Variants in INTS1 observed in about 807,000 individuals in gnomAD.
INTS1 encodes the protein integrator complex subunit 1.
INTS1 carries 137 observed loss-of-function variants against 241.6 expected under a neutral mutation model. The ratio of observed to expected loss-of-function variants is 0.57; its 90% CI spans 0.49 to 0.65. INTS1 has a LOEUF of 0.65. INTS1 is among the 30% of genes least tolerant of loss of function. The pLI, the probability that INTS1 is intolerant of heterozygous loss-of-function variation, is 0.00. For synonymous variants in INTS1, 1,692 were observed against 1,337.8 expected, an observed-to-expected ratio of 1.26 and a Z score of -5.78; for missense variants, 3,073 against 3,032.2, an observed-to-expected ratio of 1.01 and a Z score of -0.32.
Position 1,477,613 on chromosome 7 carries a change from C to G in INTS1, c.4875G>C (p.Leu1625=). 1 of 1,577,912 alleles carries G rather than the reference C, an allele frequency of 6.3e-7. No individual in the cohort carries two copies. Residue 1625 remains leucine (L), a synonymous_variant, in exon 35 of 48, where the codon CTG becomes CTC. Coordinates refer to ENST00000404767, the MANE Select transcript of INTS1 (RefSeq NM_001080453.3). ...GGCAGCTGCTGACCACCTCGGGGTC[C>G]AGCATTTCCAGCCAGTCCACTAGGA... The part of the protein sequence containing the change: ...SGLLVDWLEM[L]DPEVVSSCPD...
rs758667156 is a variant in INTS1 at position 1,502,997 on chromosome 7, G to A, written c.253C>T (p.Pro85Ser). The A allele has an allele frequency of 7.4e-6, 12 of 1,613,704 alleles. No homozygotes were observed. The highest frequency in any genetic ancestry group is 5.0e-5 in the Admixed American group (3 of 60,012). The change falls in exon 3 of 48, where the codon CCT (proline) becomes TCT (serine). Residue 85 changes from proline (P) to serine (S), a missense_variant. Pro to Ser is a moderately conservative substitution (Grantham distance 74). Coordinates refer to ENST00000404767, the MANE Select transcript of INTS1 (RefSeq NM_001080453.3). The part of the protein sequence containing the change: ...TKRPKLSSTP[P>S]LSALGRLAEA... ...GCCAGGCGCCCCAGGGCACTCAGAG[G>A]GGGTGTGGAGGAGAGTTTGGGGCGT...
At chr7:1,483,470 C>CT (rs1782093704) in intron 26 of INTS1, 11 of 534,254 alleles carry the variant, frequency 2.1e-5, no homozygotes, top group Non-Finnish European at 3.4e-5. Flanking sequence ...AGTGAGGACT[C>CT]TGACCCCAGG....
chr7:1,498,943 G>GGGGC, intron 8 of INTS1, 32 bp downstream of exon 8: 159 of 1,070,398 alleles, frequency 1.5e-4, no homozygotes, highest in Non-Finnish European at 1.9e-4. Context: ...CCCACCCCCT[G>GGGGC]CCCCGCCCAC....
chr7:1,503,887 G>T lies in INTS1; in HGVS notation c.58+16C>A. 1 of 1,557,080 alleles carries T rather than the reference G, an allele frequency of 6.4e-7. No individual in the cohort carries two copies. Among genetic ancestry groups the T allele is most frequent in the South Asian group, 1.2e-5 (1 of 85,102 alleles). The stretch of plus-strand genomic sequence containing the variant: ...CCCAAAGACCCCCGGGCTGCAGAGC[G>T]AGGAGGGAGACGCACCTGAGGGTTT... On this transcript the variant is annotated intron_variant, in intron 2 of 47. Coordinates refer to ENST00000404767, the MANE Select transcript of INTS1 (RefSeq NM_001080453.3).
intron 30 of INTS1, among the ~76,000 whole-genome samples, 197 bp from the exon 31 acceptor site, chr7:1,479,881 C>T (rs915808127): frequency 4.6e-5 from 7 of 152,362 alleles, no homozygotes; most frequent in Admixed American, 4.6e-4. Flanking sequence ...GGGACCCCAA[C>T]ACCCAGGAGC....
chr7:1,498,682 C>A, intron 9 of INTS1, 25 bp downstream of exon 9: 1 of 1,547,430 alleles, frequency 6.5e-7, no homozygotes, highest in Admixed American at 2.0e-5. Flanking sequence ...CCCGCACCCC[C>A]GCTCTGCCCC....
intron 47 of INTS1, 55 bp downstream of exon 47, chr7:1,470,791 C>A: frequency 6.7e-7 from 1 of 1,484,888 alleles, no homozygotes; most frequent in South Asian, 1.2e-5. Context: ...TCGGGGGACG[C>A]ACCTCCGGCC....
rs1005688869 is a variant in INTS1 at position 1,476,089 on chromosome 7, G to A, written c.5379-18C>T. ...CCAGCACGCTGGAAGAGGTGGAGCA[G>A]GGCTCACCAGGCGGACGGGGCCCCA... On this transcript the variant is annotated intron_variant, in intron 38 of 47. Transcript: ENST00000404767. The A allele has an allele frequency of 1.7e-5, 26 of 1,534,426 alleles. No homozygotes were observed. In the East Asian group the frequency reaches 2.2e-4, roughly 13 times the overall value.
chr7:1,480,296 C>T (rs1781935673), intron 30 of INTS1, 21 bp downstream of exon 30: 2 of 1,591,026 alleles, frequency 1.3e-6, no homozygotes, highest in African/African-American at 1.3e-5. Flanking sequence ...GGTGGAGACC[C>T]ACATGCAGCA....
rs767930220 is a variant in INTS1 at position 1,476,881 on chromosome 7, T to C, written c.4976A>G (p.Tyr1659Cys). 5.6e-6 allele frequency: 9 copies of C among 1,611,918 alleles called. No individual in the cohort carries two copies. Among genetic ancestry groups the C allele is most frequent in the East Asian group, 2.2e-5 (1 of 44,840 alleles). ...CTGATGCGTGAAGAGGGTCAGGAGGTAGGGACGGAACGAGGGCACCTGGGC... is the reference window on the plus strand; with the variant it reads ...CTGATGCGTGAAGAGGGTCAGGAGGCAGGGACGGAACGAGGGCACCTGGGC... ...GQAQVPSFRP[Y>C]LLTLFTHQSS... The change falls in exon 36 of 48, where the codon TAC becomes TGC. Residue 1659 changes from tyrosine to cysteine, a missense_variant. Physicochemically the swap from Tyr to Cys is radical, Grantham distance 194. Transcript: ENST00000404767.
intron 44 of INTS1, 67 bp downstream of exon 44, chr7:1,472,206 C>A: frequency 8.2e-7 from 1 of 1,223,456 alleles, no homozygotes; most frequent in Admixed American, 2.0e-5. Context: ...TGGCTACTGG[C>A]TGCTGCCCGC....
chr7:1,485,685 G>A (rs985048131), intron 22 of INTS1, among the ~76,000 whole-genome samples: 2 of 152,184 alleles, frequency 1.3e-5, no homozygotes, highest in South Asian at 2.1e-4. Flanking sequence ...GGACCCTCCC[G>A]TCACCAGCAA....
At chr7:1,494,547 A>G (rs1305707974) in intron 14 of INTS1, 1 of 546,766 alleles carries the variant, frequency 1.8e-6, no homozygotes, top group Non-Finnish European at 3.3e-6. Context: ...CCTGGAAGCA[A>G]CTGGAAGGCG....
intron 26 of INTS1, chr7:1,483,267 C>T (rs371120636): frequency 1.3e-5 from 3 of 235,388 alleles, no homozygotes; most frequent in Non-Finnish European, 2.6e-5. Flanking sequence ...GGGAAGGCTG[C>T]GGCCGCAGAG....
chr7:1,488,031 C>G (rs542741369), intron 18 of INTS1, 74 bp from the exon 19 acceptor site: 7 of 1,510,136 alleles, frequency 4.6e-6, no homozygotes, highest in African/African-American at 1.4e-5. Context: ...CGCTCAGGGT[C>G]AAGGAGGGTA....
intron 24 of INTS1, 30 bp from the exon 25 acceptor site, chr7:1,484,200 C>T: frequency 6.3e-7 from 1 of 1,587,656 alleles, no homozygotes; most frequent in Non-Finnish European, 8.6e-7. Context: ...GCGTCAGAGG[C>T]TCCGAGACAG....
rs192913476 is a variant in INTS1, at chr7:1,493,690, G to A, written c.2068+64C>T. 190 of 1,500,252 alleles carry A rather than the reference G, an allele frequency of 1.3e-4. 1 individual carries two copies. In the African/African-American group the frequency reaches 1.7e-3, roughly 13 times the overall value. The allele number at this position is 1,500,252 out of a possible 1,614,324, so 92.9% of individuals were successfully genotyped here. ...CGCCCCAGAGGTGCGTGCCAGAGCC[G>A]GGGTTTCTGCAGGGACGAGGGGAGC... On this transcript the variant is annotated intron_variant, in intron 15 of 47. Transcript: ENST00000404767. This position sits in a 1 kb window ranked among gnomAD's most constrained non-coding sequence, Gnocchi z 5.3.
intron 27 of INTS1, 169 bp downstream of exon 27, chr7:1,482,377 C>T: frequency 1.7e-6 from 1 of 604,474 alleles, no homozygotes; most frequent in Non-Finnish European, 2.7e-6. Context: ...TCCCAGGGTC[C>T]AGCACAGCCT....
intron 37 of INTS1, 38 bp from the exon 38 acceptor site, chr7:1,476,493 G>GCCTCTCCCGGATGGGCCACAC (rs1554274329): frequency 5.0e-5 from 60 of 1,190,136 alleles, no homozygotes; most frequent in Non-Finnish European, 6.8e-5. Context: ...GAGCACCACC[G>GCCTCTCCCGGATGGGCCACAC]CCTCTCCCGG....
Sources: gnomAD v4.1 joint callset for allele counts (sites outside exome capture counted in the v4.1 genomes callset) on GRCh38, gnomAD v4.1.1 for gene constraint, Gnocchi (gnomAD v3.1) non-coding constraint, MANE v1.5 for transcripts, NCBI Gene and HGNC (gene_info 2026-07-23, HGNC 2026-07-21) for gene names.